The following PIP4K2A variants were observed in gnomAD, a reference collection of about 807,000 sequenced individuals.
PIP4K2A encodes the protein phosphatidylinositol 5-phosphate 4-kinase type-2 alpha.
In PIP4K2A, 14 loss-of-function variants were observed where a neutral mutation model predicts 42.9. The ratio of observed to expected loss-of-function variants is 0.33; its 90% CI spans 0.22 to 0.51. PIP4K2A has a LOEUF of 0.51. PIP4K2A is among the 20% of genes least tolerant of loss of function. PIP4K2A has a pLI of 0.97. For synonymous variants in PIP4K2A, 192 were observed against 192.2 expected (o/e 1.00, Z 0.01); for missense variants, 434 against 519.8 (o/e 0.83, Z 1.61).
chr10:22,664,064 T>TATATATATATATAC lies in PIP4K2A; in HGVS notation c.144+50118_144+50119insGTATATATATATAT, dbSNP rs1564459754. Among the ~76,000 whole-genome samples, 6 of 77,774 alleles carry TATATATATATATAC rather than the reference T, an allele frequency of 7.7e-5. 1 individual carries two copies. Among genetic ancestry groups the TATATATATATATAC allele is most frequent in the African/African-American group, 5.4e-4 (5 of 9,340 alleles). 51.0% of individuals were successfully genotyped at this position (77,774 alleles called of 152,430 possible). A position where few individuals can be genotyped will look rare whatever the true frequency, so the allele number is the denominator to read the frequency against. On this transcript the variant is annotated intron_variant, in intron 1 of 9. Coordinates refer to ENST00000376573, the MANE Select transcript of PIP4K2A (RefSeq NM_005028.5). ...ATATATATACATATGTATATATACA[T>TATATATATATATAC]ATATATATATACGTATATATATATA...
At chr10:22,555,284 A>C (rs1228778603) in intron 6 of PIP4K2A, among the ~76,000 whole-genome samples, 1 of 152,098 alleles carries the variant, frequency 6.6e-6, no homozygotes, top group Non-Finnish European at 1.5e-5. Context: ...TGGCAAGTTA[A>C]GTTACCTCTC....
At chr10:22,688,821 T>C (rs973036792) in intron 1 of PIP4K2A, among the ~76,000 whole-genome samples, 3 of 152,194 alleles carry the variant, frequency 2.0e-5, no homozygotes, top group African/African-American at 7.2e-5. Flanking sequence ...ATATTTTTTA[T>C]CTGGTACAAT....
intron 6 of PIP4K2A, among the ~76,000 whole-genome samples, chr10:22,564,533 G>A (rs902147798): frequency 1.3e-5 from 2 of 152,186 alleles, no homozygotes; most frequent in Non-Finnish European, 2.9e-5. Flanking sequence ...TTCCTCTGAG[G>A]AGAAAATCTC....
chr10:22,595,827 C>T (rs144586293), intron 3 of PIP4K2A, among the ~76,000 whole-genome samples: 5 of 152,196 alleles, frequency 3.3e-5, no homozygotes, highest in Admixed American at 6.5e-5. Flanking sequence ...CCTTAGTTTC[C>T]GGGTCTATGA....
At chr10:22,597,026 G>A (rs532482780) in intron 3 of PIP4K2A, among the ~76,000 whole-genome samples, 16 of 152,338 alleles carry the variant, frequency 1.1e-4, no homozygotes, top group South Asian at 6.2e-4. Flanking sequence ...TCAGGTTTTC[G>A]ATTTTGCCAA....
At chr10:22,543,711 G>C (rs1167328682) in intron 7 of PIP4K2A, among the ~76,000 whole-genome samples, 1 of 152,210 alleles carries the variant, frequency 6.6e-6, no homozygotes, top group East Asian at 1.9e-4. Context: ...AGATCACCTG[G>C]CTGGGATCAT....
chr10:22,573,510 C>G (rs1431999161), intron 4 of PIP4K2A, 53 bp from the exon 5 acceptor site: 1 of 1,511,304 alleles, frequency 6.6e-7, no homozygotes, highest in Non-Finnish European at 9.0e-7. Flanking sequence ...AAGATTGCTT[C>G]CTTAGATGTA....
chr10:22,692,838 C>T (rs1839900276), intron 1 of PIP4K2A, among the ~76,000 whole-genome samples: 1 of 152,162 alleles, frequency 6.6e-6, no homozygotes, highest in Non-Finnish European at 1.5e-5. Flanking sequence ...ATGCAGAAAA[C>T]ATGTCCTTTA....
At position 22,534,954 on chromosome 10, in the gene PIP4K2A, A is replaced by C. The variant is rs1835884067; in HGVS notation, c.*2247T>G. The C allele has an allele frequency of 6.6e-6, 1 of 152,326 alleles. No individual in the cohort carries two copies. Among genetic ancestry groups the C allele is most frequent in the South Asian group, 2.1e-4 (1 of 4,828 alleles). 9.4% of individuals were successfully genotyped at this position (152,326 alleles called of 1,614,324 possible). A position where few individuals can be genotyped will look rare whatever the true frequency, so the allele number is the denominator to read the frequency against. ...CAGAGACACACAATTGGGACAGAGGAAAAAAGGATTCATCTTGTGAGTCAT... is the reference window on the plus strand; with the variant it reads ...CAGAGACACACAATTGGGACAGAGGCAAAAAGGATTCATCTTGTGAGTCAT... On this transcript the variant is annotated 3_prime_UTR_variant, in exon 10 of 10. Transcript: ENST00000376573.
At chr10:22,548,212 T>C (rs891114293) in intron 7 of PIP4K2A, among the ~76,000 whole-genome samples, 1 of 152,224 alleles carries the variant, frequency 6.6e-6, no homozygotes, top group Non-Finnish European at 1.5e-5. Context: ...GACACTGTTA[T>C]CAGCTATTGA....
At chr10:22,705,420 C>T (rs1203841631) in intron 1 of PIP4K2A, among the ~76,000 whole-genome samples, 1 of 110,062 alleles carries the variant, frequency 9.1e-6, no homozygotes, top group African/African-American at 3.8e-5. Context: ...TATTCAGTAC[C>T]CCAGTTAAAA....
At chr10:22,542,149 G>T in intron 7 of PIP4K2A, 102 bp from the exon 8 acceptor site, 3 of 1,074,176 alleles carry the variant, frequency 2.8e-6, no homozygotes, top group Non-Finnish European at 2.7e-6. Context: ...AGGCTGTGGG[G>T]TGGGGCAGCA....
At chr10:22,714,052 C>T in intron 1 of PIP4K2A, 131 bp downstream of exon 1, 1 of 951,858 alleles carries the variant, frequency 1.1e-6, no homozygotes, top group Non-Finnish European at 1.5e-6. Flanking sequence ...GGCTTCGAGG[C>T]GGGCGAGCAG....
At chr10:22,624,816 A>G (rs1489010111) in intron 1 of PIP4K2A, among the ~76,000 whole-genome samples, 3 of 152,230 alleles carry the variant, frequency 2.0e-5, no homozygotes, top group Middle Eastern at 3.2e-3. Context: ...ATGTTTGAAA[A>G]TATTTCCACT....
At chr10:22,714,133 A>C (rs1833965909) in intron 1 of PIP4K2A, 50 bp downstream of exon 1, 1 of 1,539,094 alleles carries the variant, frequency 6.5e-7, no homozygotes, top group African/African-American at 1.4e-5. Flanking sequence ...GGGAACGAGG[A>C]GGAAGAGGAG....
chr10:22,678,836 A>G (rs1839609279), intron 1 of PIP4K2A, among the ~76,000 whole-genome samples: 1 of 152,274 alleles, frequency 6.6e-6, no homozygotes, highest in African/African-American at 2.4e-5. Context: ...GTCTATCAAT[A>G]GGAAATGGTT....
rs532053177 is a variant in PIP4K2A, at chr10:22,689,080, A to G, written c.144+25103T>C. Among the ~76,000 whole-genome samples the G allele has an allele frequency of 1.2e-4, 19 of 152,312 alleles. No individual in the cohort carries two copies. In the East Asian group the frequency reaches 3.7e-3, roughly 29 times the overall value. ...TAGCAGATTTTTCTTCGAGGAGCAC[A>G]AGGGTGGGTCTGGTGGAACTCTTCA... On this transcript the variant is annotated intron_variant, in intron 1 of 9. Coordinates refer to ENST00000376573, the MANE Select transcript of PIP4K2A (RefSeq NM_005028.5).
intron 6 of PIP4K2A, 101 bp from the exon 7 acceptor site, chr10:22,550,873 C>T (rs543581761): frequency 2.6e-4 from 192 of 730,202 alleles, no homozygotes; most frequent in Non-Finnish European, 3.6e-4. Flanking sequence ...CCCCTTTCAC[C>T]GCCCCCACCC....
At chr10:22,713,382 G>A (rs1488647886) in intron 1 of PIP4K2A, among the ~76,000 whole-genome samples, 1 of 151,640 alleles carries the variant, frequency 6.6e-6, no homozygotes, top group African/African-American at 2.4e-5. Flanking sequence ...CGGGACCCCC[G>A]CCTGCTGTCC....
Sources: gnomAD v4.1 joint callset for allele counts (sites outside exome capture counted in the v4.1 genomes callset) on GRCh38, gnomAD v4.1.1 for gene constraint, MANE v1.5 for transcripts, NCBI Gene and HGNC (gene_info 2026-07-23, HGNC 2026-07-21) for gene names.